Variants in SMG1 observed in about 807,000 individuals in gnomAD.
SMG1 encodes the protein serine/threonine-protein kinase SMG1.
A neutral mutation model predicts 419.9 loss-of-function variants in SMG1; 22 were observed. That is an observed-to-expected ratio of 0.05 (90% CI 0.04 to 0.07). The LOEUF (loss-of-function observed/expected upper bound fraction) is 0.07. Among genes scored for constraint, SMG1 ranks in the 10% least tolerant of loss-of-function variants. The pLI is 1.00. For synonymous variants in SMG1, 1,538 were observed against 1,553.5 expected (o/e 0.99, Z 0.23); for missense variants, 3,185 against 4,342.0 (o/e 0.73, Z 7.49).
At chr16:18,899,581 G>GTT (rs1206487212) in intron 1 of SMG1, among the ~76,000 whole-genome samples, 3 of 152,110 alleles carry the variant, frequency 2.0e-5, no homozygotes, top group African/African-American at 7.2e-5. Context: ...TTCAAAAAAT[G>GTT]TCAATGTCAG....
At position 18,880,489 on chromosome 16, in the gene SMG1, G is replaced by A. The variant is rs557739416; in HGVS notation, c.1294-770C>T. Among the ~76,000 whole-genome samples the A allele has an allele frequency of 1.6e-3, 250 of 152,180 alleles. 1 individual carries two copies. The highest frequency in any genetic ancestry group is 5.7e-3 in the African/African-American group (238 of 41,514). On this transcript the variant is annotated intron_variant, in intron 10 of 62. Transcript: ENST00000446231. ...GCACTTTGACAGGATTAGCTGGAAGGTTCTCTTGAGTCCAGGAGTTTGAGA... is the reference window on the plus strand; with the variant it reads ...GCACTTTGACAGGATTAGCTGGAAGATTCTCTTGAGTCCAGGAGTTTGAGA...
At chr16:18,878,874 G>A (rs11074340) in intron 11 of SMG1, 14,607 of 154,426 alleles carry the variant, frequency 0.095, 747 homozygotes, top group Middle Eastern at 0.18. Context: ...GCCAGGTGTG[G>A]TGACGCACGC....
chr16:18,827,479 T>C (rs998877855), intron 55 of SMG1, among the ~76,000 whole-genome samples: 2 of 145,478 alleles, frequency 1.4e-5, no homozygotes, highest in Non-Finnish European at 3.0e-5. Context: ...TTTTTATATA[T>C]ATTTGGTATA....
intron 29 of SMG1, chr16:18,856,647 G>T (rs2034929101): frequency 6.6e-6 from 1 of 152,106 alleles, no homozygotes; most frequent in Non-Finnish European, 1.5e-5. Flanking sequence ...CCACACCCGG[G>T]TGATTTTTTA....
chr16:18,904,662 T>C (rs1462787741), intron 1 of SMG1, among the ~76,000 whole-genome samples: 2 of 142,932 alleles, frequency 1.4e-5, no homozygotes, highest in Non-Finnish European at 3.1e-5. Context: ...AAAGGCCGGG[T>C]GAAGTGGCTC....
chr16:18,840,018 G>A (rs1567347529), intron 41 of SMG1, 72 bp from the exon 42 acceptor site: 4 of 1,234,510 alleles, frequency 3.2e-6, no homozygotes. Context: ...CCTTTTGTAT[G>A]TAAAGTAGAA....
At chr16:18,883,027 GA>G (rs1183593195) in intron 9 of SMG1, among the ~76,000 whole-genome samples, 2 of 152,040 alleles carry the variant, frequency 1.3e-5, no homozygotes, top group African/African-American at 2.4e-5. Context: ...TGGGGGCAAA[GA>G]AAAAACAACA....
chr16:18,847,086 AACCTTC>A (rs2034311964), intron 38 of SMG1, among the ~76,000 whole-genome samples: 1 of 152,140 alleles, frequency 6.6e-6, no homozygotes, highest in Non-Finnish European at 1.5e-5. Flanking sequence ...CAACATAATA[AACCTTC>A]GGGCCATTAT....
chr16:18,850,570 A>T (rs1379016002), intron 33 of SMG1, 103 bp from the exon 34 acceptor site: 1 of 726,886 alleles, frequency 1.4e-6, no homozygotes, highest in Non-Finnish European at 2.2e-6. Context: ...TATATAAAAG[A>T]TAAAATTATC....
intron 1 of SMG1, among the ~76,000 whole-genome samples, chr16:18,922,852 G>C (rs1444778925): frequency 6.6e-6 from 1 of 152,070 alleles, no homozygotes; most frequent in Non-Finnish European, 1.5e-5. Context: ...GACTGAAGGT[G>C]GGCAGACTGT....
At position 18,830,001 on chromosome 16, in the gene SMG1, T is replaced by C; in HGVS notation, c.9058A>G (p.Ile3020Val). 1.9e-6 allele frequency: 3 copies of C among 1,591,404 alleles called. No homozygotes were observed. The East Asian group carries it at 6.7e-5, about 36-fold the overall frequency. ...GTCTGTAGTCTTTTTAGAAAGAAAATCTCTTCTAGCACCTGCCGGTGATTA... is the reference window on the plus strand; with the variant it reads ...GTCTGTAGTCTTTTTAGAAAGAAAACCTCTTCTAGCACCTGCCGGTGATTA... The part of the protein sequence containing the change: ...DDNHRQVLEE[I>V]FFLKRLQTIK... Residue 3020 changes from isoleucine (I) to valine (V), a missense_variant, in exon 53 of 63, where the codon ATT (isoleucine) becomes GTT (valine). By Grantham distance (29) the Ile-to-Val change is conservative (BLOSUM62 3). Transcript: ENST00000446231.
rs1362616248 is a variant in SMG1 at position 18,847,965 on chromosome 16, C to G, written c.5692G>C (p.Glu1898Gln). The G allele has an allele frequency of 1.2e-6, 2 of 1,613,990 alleles. No individual in the cohort carries two copies. The highest frequency in any genetic ancestry group is 1.7e-6 in the Non-Finnish European group (2 of 1,179,872). The stretch of plus-strand genomic sequence containing the variant: ...GCAGGAGGACTTCCTCCCTCACATT[C>G]AGAAACCAGCAATTCTTCTCCTTGA... Reference protein sequence around the residue: ...NIQGEELLVSECEGGSPPASQ... With the variant: ...NIQGEELLVSQCEGGSPPASQ... Residue 1898 changes from glutamate to glutamine, a missense_variant, in exon 37 of 63, where the codon GAA becomes CAA. By Grantham distance (29) the Glu-to-Gln change is conservative. Transcript: ENST00000446231.
At chr16:18,908,250 C>T (rs1458023260) in intron 1 of SMG1, among the ~76,000 whole-genome samples, 1 of 151,768 alleles carries the variant, frequency 6.6e-6, no homozygotes, top group South Asian at 2.1e-4. Context: ...CATCTGTAAT[C>T]CCAGCTACTC....
intron 39 of SMG1, among the ~76,000 whole-genome samples, chr16:18,844,673 T>C (rs2606546): frequency 0.016 from 2,374 of 151,644 alleles, 60 homozygotes; most frequent in African/African-American, 0.054. Flanking sequence ...GCTCTGAATT[T>C]AGCACCTTGC....
At chr16:18,867,189 A>G (rs550980555) in intron 22 of SMG1, among the ~76,000 whole-genome samples, 96 of 152,312 alleles carry the variant, frequency 6.3e-4, no homozygotes, top group Non-Finnish European at 1.1e-3. Flanking sequence ...ATTTATTGTG[A>G]GCCCACTTTC....
chr16:18,864,781 A>C (rs1373354515), intron 23 of SMG1, among the ~76,000 whole-genome samples: 2 of 152,172 alleles, frequency 1.3e-5, no homozygotes, highest in East Asian at 3.8e-4. Context: ...CCAGCCCCAA[A>C]GGAGTCTTAT....
Position 18,812,027 on chromosome 16 carries a change from T to A in SMG1, c.10722A>T (p.Pro3574=). 6.2e-7 allele frequency: 1 copy of A among 1,614,038 alleles called. No homozygotes were observed. Among genetic ancestry groups the A allele is most frequent in the Non-Finnish European group, 8.5e-7 (1 of 1,179,894 alleles). ...TGCCAGTTCCTGGAACGGTGCTTGGTGGAGTATCAGCTGATGTAGCAAGAT... is the reference window on the plus strand; with the variant it reads ...TGCCAGTTCCTGGAACGGTGCTTGGAGGAGTATCAGCTGATGTAGCAAGAT... ...QKNLATSADT[P]PSTVPGTGKS... Residue 3574 remains proline, a synonymous_variant, in exon 61 of 63, where the codon CCA becomes CCT. Transcript: ENST00000446231.
chr16:18,865,555 A>T (rs1403533952), intron 23 of SMG1, among the ~76,000 whole-genome samples: 1 of 152,166 alleles, frequency 6.6e-6, no homozygotes, highest in African/African-American at 2.4e-5. Context: ...GTAAAAAAAA[A>T]TATCAGAAAC....
At chr16:18,817,242 A>G (rs1347272166) in intron 57 of SMG1, 49 bp downstream of exon 57, 8 of 1,446,782 alleles carry the variant, frequency 5.5e-6, no homozygotes, top group African/African-American at 1.4e-5. Flanking sequence ...TGATTTTAAT[A>G]GTATAACACT....
Sources: gnomAD v4.1 joint callset for allele counts (sites outside exome capture counted in the v4.1 genomes callset) on GRCh38, gnomAD v4.1.1 for gene constraint, MANE v1.5 for transcripts, NCBI Gene and HGNC (gene_info 2026-07-23, HGNC 2026-07-21) for gene names.